Variants in GAS6 observed in about 807,000 individuals in gnomAD.
The protein encoded by GAS6 is growth arrest specific 6, also known as growth arrest-specific protein 6.
In GAS6, 41 loss-of-function variants were observed where a neutral mutation model predicts 75.8. That is an observed-to-expected ratio of 0.54 (90% confidence interval 0.42 to 0.70). GAS6 has a LOEUF of 0.70. GAS6 is among the 30% of genes least tolerant of loss of function. The pLI is 0.00. For missense variants in GAS6, 854 were observed against 940.2 expected, an observed-to-expected ratio of 0.91 and a Z score of 1.20; for synonymous variants, 432 against 412.6, an observed-to-expected ratio of 1.05 and a Z score of -0.57.
Position 113,863,989 on chromosome 13 carries a change from G to T in GAS6, c.-69C>A. ...CGAGCCGCGGGCGCCGCGGGGCGGA[G>T]GCTCCGGTCATCCCGTCCTGGCGGC... On this transcript the variant is annotated 5_prime_UTR_variant, in exon 1 of 15. Transcript: ENST00000327773. This position sits in a 1 kb window ranked among gnomAD's most constrained non-coding sequence, Gnocchi z 9.4. The T allele has an allele frequency of 9.8e-7, 1 of 1,023,122 alleles. No individual in the cohort carries two copies. The highest frequency in any genetic ancestry group is 5.8e-5 in the Admixed American group (1 of 17,306). The allele number at this position is 1,023,122 out of a possible 1,614,324, so 63.4% of individuals were successfully genotyped here.
intron 8 of GAS6, chr13:113,833,649 GCACCAGTGTGACAGGTCGGTGTGACAGA>G (rs1219693179): frequency 9.9e-7 from 1 of 1,008,312 alleles, no homozygotes; most frequent in East Asian, 1.1e-4. Flanking sequence ...AGTGTGACAG[GCACCAGTGTGACAGGTCGGTGTGACAGA>G]CACCGGTGAC....
At chr13:113,858,924 AGTAT>A (rs553284782) in intron 2 of GAS6, among the ~76,000 whole-genome samples, 372 of 149,844 alleles carry the variant, frequency 2.5e-3, no homozygotes, top group Non-Finnish European at 4.0e-3. Flanking sequence ...CATGTCTGTT[AGTAT>A]GTGTGTGCGT....
Position 113,859,347 on chromosome 13 carries a change from CAT to C in GAS6, c.255+4226_255+4227del, listed in dbSNP as rs559378286. 1.6e-4 allele frequency among the ~76,000 whole-genome samples: 22 copies of C among 139,524 alleles called. No homozygotes were observed. In the East Asian group the frequency reaches 3.1e-3, roughly 20 times the overall value. 91.5% of individuals were successfully genotyped at this position (139,524 alleles called of 152,430 possible). A position where few individuals can be genotyped will look rare whatever the true frequency, so the allele number is the denominator to read the frequency against. On this transcript the variant is annotated intron_variant, in intron 2 of 14. Coordinates refer to ENST00000327773, the MANE Select transcript of GAS6 (RefSeq NM_000820.4). The stretch of plus-strand genomic sequence containing the variant: ...GTGTGCATGTCATTATGCATGTGTA[CAT>C]GTCTGTGTGACTGTATGTCTATGTG...
chr13:113,834,786 CAG>C, intron 7 of GAS6, 114 bp from the exon 8 acceptor site: 1 of 1,192,556 alleles, frequency 8.4e-7, no homozygotes, highest in African/African-American at 1.6e-5. Context: ...GAATTACATG[CAG>C]ATTCTAACGG....
chr13:113,822,127 G>A lies in GAS6; in HGVS notation c.1713C>T (p.Asp571=), dbSNP rs566401340. The change falls in exon 14 of 15, where the codon GAC becomes GAT. Residue 571 remains aspartate, a synonymous_variant. Coordinates refer to ENST00000327773, the MANE Select transcript of GAS6 (RefSeq NM_000820.4). ...AGACGGTGACCACGTGCTCTTGGCC[G>A]TCGCAGACCTTGATCTCCATTAGGG... ...ALALMEIKVC[D]GQEHVVTVSL... 98 of 1,600,506 alleles carry A rather than the reference G, an allele frequency of 6.1e-5. No individual in the cohort carries two copies. In the South Asian group the frequency reaches 7.7e-4, roughly 13 times the overall value.
At chr13:113,829,057 A>G (rs113462949) in intron 10 of GAS6, among the ~76,000 whole-genome samples, 1 of 71,972 alleles carries the variant, frequency 1.4e-5, no homozygotes, top group Non-Finnish European at 2.3e-5. Context: ...TCTCAGGCAG[A>G]CCACATGATC....
At chr13:113,838,029 G>GGAGAGGA (rs780505817) in intron 6 of GAS6, 40 bp downstream of exon 6, 4 of 1,607,472 alleles carry the variant, frequency 2.5e-6, no homozygotes, top group East Asian at 2.2e-5. Context: ...TAGAAGGTGG[G>GGAGAGGA]GAGAGGAGAG....
intron 7 of GAS6, 146 bp from the exon 8 acceptor site, chr13:113,834,818 T>TCC: frequency 2.5e-6 from 2 of 811,008 alleles, no homozygotes; most frequent in Non-Finnish European, 3.4e-6. Context: ...GGGGGTCGCG[T>TCC]CCCCCCCCAC....
At chr13:113,862,476 G>A (rs974896049) in intron 2 of GAS6, among the ~76,000 whole-genome samples, 1 of 152,226 alleles carries the variant, frequency 6.6e-6, no homozygotes, top group African/African-American at 2.4e-5. Flanking sequence ...CATCATTAAA[G>A]AAACAGGAAA....
In GAS6 at chr13:113,832,643, T is replaced by C. The variant is rs200744856; in HGVS notation, c.944A>G (p.Gln315Arg). 5.0e-6 allele frequency: 8 copies of C among 1,612,786 alleles called. No individual in the cohort carries two copies. The East Asian group carries it at 1.6e-4, about 31-fold the overall frequency. ...GTGGACACCTCCTCACCTGGTGGGC[T>C]GCAGCCTCTTGAAGCGCAGTCGGAT... ...PVIRLRFKRL[Q>R]PTRLVAEFDF... Residue 315 changes from glutamine to arginine, a missense_variant, in exon 9 of 15, where the codon CAG (glutamine) becomes CGG (arginine). Transcript: ENST00000327773.
chr13:113,839,604 C>T, intron 5 of GAS6, 124 bp downstream of exon 5: 1 of 1,291,076 alleles, frequency 7.7e-7, no homozygotes, highest in Non-Finnish European at 1.1e-6. Flanking sequence ...AGGGCTGCAG[C>T]CTCCTTGGGG....
chr13:113,825,431 A>C (rs2051524206), intron 12 of GAS6, among the ~76,000 whole-genome samples: 2 of 152,096 alleles, frequency 1.3e-5, no homozygotes, highest in Admixed American at 1.3e-4. Flanking sequence ...AGAGTGAGCC[A>C]GGCCAGTACT....
intron 2 of GAS6, among the ~76,000 whole-genome samples, chr13:113,852,511 A>G (rs1470049822): frequency 6.6e-6 from 1 of 152,156 alleles, no homozygotes; most frequent in East Asian, 1.9e-4. Context: ...TGAGGCCCCA[A>G]ATTTGTTATA....
At chr13:113,854,584 C>G (rs527723636) in intron 2 of GAS6, among the ~76,000 whole-genome samples, 13 of 152,252 alleles carry the variant, frequency 8.5e-5, no homozygotes, top group Admixed American at 7.2e-4. Context: ...AGCATGTGAG[C>G]GTGGACGCAG....
Position 113,820,854 on chromosome 13 carries a change from C to T in GAS6, c.*10G>A, listed in dbSNP as rs2051444625. The T allele has an allele frequency of 6.2e-7, 1 of 1,607,560 alleles. No homozygotes were observed. Among genetic ancestry groups the T allele is most frequent in the African/African-American group, 1.3e-5 (1 of 74,854 alleles). On this transcript the variant is annotated 3_prime_UTR_variant, in exon 15 of 15. Transcript: ENST00000327773. ...CAGAGACTGAGAAGCCTGCCGCGTC[C>T]CGTGGGGGCCTAGGCTGCGGCGGGC...
intron 4 of GAS6, chr13:113,843,952 G>T (rs1266636925): frequency 1.3e-5 from 2 of 150,954 alleles, no homozygotes; most frequent in Admixed American, 1.3e-4. Context: ...TCCGGGAGGC[G>T]CCTTCCCAAG....
Position 113,863,946 on chromosome 13 carries a change from G to A in GAS6, c.-26C>T. The A allele has an allele frequency of 9.1e-7, 1 of 1,095,838 alleles. No individual in the cohort carries two copies. The highest frequency in any genetic ancestry group is 4.0e-4 in the Middle Eastern group (1 of 2,516). 67.9% of individuals were successfully genotyped at this position (1,095,838 alleles called of 1,614,324 possible). A position where few individuals can be genotyped will look rare whatever the true frequency, so the allele number is the denominator to read the frequency against. On this transcript the variant is annotated 5_prime_UTR_variant, in exon 1 of 15. Coordinates refer to ENST00000327773, the MANE Select transcript of GAS6 (RefSeq NM_000820.4). This position sits in a 1 kb window ranked among gnomAD's most constrained non-coding sequence, Gnocchi z 9.4. ...GGCGGGCCGGGGACGCGCGGTCAGAGCGCCCGGGAGGCCGAGGCGAGCCGC... is the reference window on the plus strand; with the variant it reads ...GGCGGGCCGGGGACGCGCGGTCAGAACGCCCGGGAGGCCGAGGCGAGCCGC...
rs1487745689 is a variant in GAS6 at position 113,863,407 on chromosome 13, C to G, written c.255+168G>C. Among the ~76,000 whole-genome samples the G allele has an allele frequency of 6.6e-6, 1 of 152,078 alleles. No homozygotes were observed. Among genetic ancestry groups the G allele is most frequent in the Non-Finnish European group, 1.5e-5 (1 of 67,990 alleles). On this transcript the variant is annotated intron_variant, in intron 2 of 14. Coordinates refer to ENST00000327773, the MANE Select transcript of GAS6 (RefSeq NM_000820.4). The surrounding 1 kb of genome is among the most constrained non-coding windows in gnomAD (Gnocchi z 9.4). Reference sequence around the variant, plus strand: ...CCGGCCTGCGCGGGGATCCCGGGGTCGCCGGGGGATGGGCGTGGGGGACGC... The same window carrying G: ...CCGGCCTGCGCGGGGATCCCGGGGTGGCCGGGGGATGGGCGTGGGGGACGC...
chr13:113,835,622 G>A lies in GAS6; in HGVS notation c.603C>T (p.Cys201=), dbSNP rs776856173. The change falls in exon 7 of 15, where the codon TGC becomes TGT. Residue 201 remains cysteine (C), a synonymous_variant. Transcript: ENST00000327773. ...CCTCCCCGCAGGCCTCCGAGTCTGC[G>A]CACTCGTCTATGTCTGCAAGCAAAA... ...DGRTCQDIDE[C]ADSEACGEAR... The A allele has an allele frequency of 1.3e-5, 21 of 1,611,914 alleles. No individual in the cohort carries two copies. The highest frequency in any genetic ancestry group is 6.7e-5 in the Admixed American group (4 of 59,998).
Sources: gnomAD v4.1 joint callset for allele counts (sites outside exome capture counted in the v4.1 genomes callset) on GRCh38, gnomAD v4.1.1 for gene constraint, Gnocchi (gnomAD v3.1) non-coding constraint, MANE v1.5 for transcripts, NCBI Gene and HGNC (gene_info 2026-07-23, HGNC 2026-07-21) for gene names.